Variants in BAIAP2 observed in about 807,000 individuals in gnomAD.
The protein encoded by BAIAP2 is BAR/IMD domain containing adaptor protein 2, also known as BAR/IMD domain-containing adapter protein 2.
A neutral mutation model predicts 63.0 loss-of-function variants in BAIAP2; 18 were observed. That is an observed-to-expected ratio of 0.29 (90% confidence interval 0.20 to 0.42). BAIAP2 has a LOEUF of 0.42. BAIAP2 is among the 10% of genes least tolerant of loss of function. The pLI, the probability that BAIAP2 is intolerant of heterozygous loss-of-function variation, is 1.00. For synonymous variants in BAIAP2, 386 were observed against 307.6 expected, an observed-to-expected ratio of 1.25 and a Z score of -2.67; for missense variants, 610 against 734.3, an observed-to-expected ratio of 0.83 and a Z score of 1.96.
intron 1 of BAIAP2, among the ~76,000 whole-genome samples, chr17:81,039,649 CA>C (rs774176385): frequency 6.8e-4 from 103 of 151,380 alleles, no homozygotes; most frequent in Non-Finnish European, 3.5e-4. Context: ...CCTGGGCTTT[CA>C]GGGGCCACCG....
chr17:81,103,137 G>A (rs537120443), intron 7 of BAIAP2, among the ~76,000 whole-genome samples: 5 of 152,284 alleles, frequency 3.3e-5, no homozygotes, highest in Admixed American at 6.5e-5. Context: ...CCCCTCCCCC[G>A]GCCATCTGGG....
chr17:81,041,789 C>T (rs1417091466), intron 1 of BAIAP2, among the ~76,000 whole-genome samples: 1 of 152,174 alleles, frequency 6.6e-6, no homozygotes, highest in Non-Finnish European at 1.5e-5. Flanking sequence ...TCAGGCTGGT[C>T]TCGAACTCCC....
At chr17:81,075,451 G>A (rs1159175009) in intron 3 of BAIAP2, among the ~76,000 whole-genome samples, 1 of 152,218 alleles carries the variant, frequency 6.6e-6, no homozygotes, top group African/African-American at 2.4e-5. Context: ...CAAGTGGGCC[G>A]CCTTCCGGTG....
In BAIAP2 at chr17:81,057,969, TGA is replaced by T; in HGVS notation, c.217+5_217+6del. On this transcript the variant is annotated splice_donor_region_variant and intron_variant, in intron 3 of 13. Coordinates refer to ENST00000428708, the MANE Select transcript of BAIAP2 (RefSeq NM_001144888.2). ...AGAGCCAGGGCTCCAAAGAACTCGGTGAGACCCCCCCCCCCCCCCCGCCTGGT... is the reference window on the plus strand; with the variant it reads ...AGAGCCAGGGCTCCAAAGAACTCGGTGACCCCCCCCCCCCCCCCGCCTGGT... 6 of 964,838 alleles carry T rather than the reference TGA, an allele frequency of 6.2e-6. No individual in the cohort carries two copies. The highest frequency in any genetic ancestry group is 8.4e-6 in the Non-Finnish European group (6 of 713,564). The allele number at this position is 964,838 out of a possible 1,614,324, so 59.8% of individuals were successfully genotyped here. A position where few individuals can be genotyped will look rare whatever the true frequency, so the allele number is the denominator to read the frequency against.
chr17:81,039,752 A>C (rs2046829005), intron 1 of BAIAP2, among the ~76,000 whole-genome samples: 1 of 152,062 alleles, frequency 6.6e-6, no homozygotes, highest in South Asian at 2.1e-4. Flanking sequence ...TGGAGACCTG[A>C]GGGCCAAGAC....
chr17:81,106,805 C>T lies in BAIAP2; in HGVS notation c.1398C>T (p.Ile466=). Residue 466 remains isoleucine (I), a synonymous_variant, in exon 12 of 14, where the codon ATC becomes ATT. Transcript: ENST00000428708. ...TCCTGGACAAGGACGACCTGGCCAT[C>T]CCACCCCCCGATTACGGCGCCGCCT... ...GNLLDKDDLA[I]PPPDYGAASR... 1 of 1,612,484 alleles carries T rather than the reference C, an allele frequency of 6.2e-7. No individual in the cohort carries two copies. Among genetic ancestry groups the T allele is most frequent in the Non-Finnish European group, 8.5e-7 (1 of 1,179,738 alleles).
chr17:81,105,693 G>A (rs1007408611), intron 10 of BAIAP2: 2 of 207,418 alleles, frequency 9.6e-6, no homozygotes, highest in African/African-American at 2.4e-5. Context: ...GGAGGGGGCC[G>A]AGGGCAGGGG....
chr17:81,104,124 G>A lies in BAIAP2; in HGVS notation c.1066+16G>A. 2.6e-5 allele frequency: 42 copies of A among 1,612,232 alleles called. No individual in the cohort carries two copies. The highest frequency in any genetic ancestry group is 3.5e-5 in the Non-Finnish European group (41 of 1,179,474). On this transcript the variant is annotated intron_variant, in intron 9 of 13. Transcript: ENST00000428708. ...TATGCCACCAGTAAGGGCTCCGCTG[G>A]GGTGTTGGGCTGGGGTCCCTGGACG...
intron 6 of BAIAP2, among the ~76,000 whole-genome samples, chr17:81,098,752 G>C (rs961047712): frequency 6.6e-6 from 1 of 152,174 alleles, no homozygotes; most frequent in African/African-American, 2.4e-5. Flanking sequence ...GCACAGAGTG[G>C]CCAAGACGTG....
At chr17:81,072,340 G>A (rs1338000921) in intron 3 of BAIAP2, among the ~76,000 whole-genome samples, 1 of 152,252 alleles carries the variant, frequency 6.6e-6, no homozygotes, top group Non-Finnish European at 1.5e-5. Flanking sequence ...CCTGACCCAT[G>A]TAATCAGGGA....
At chr17:81,054,671 G>T (rs188874461) in intron 2 of BAIAP2, among the ~76,000 whole-genome samples, 1 of 152,180 alleles carries the variant, frequency 6.6e-6, no homozygotes, top group Non-Finnish European at 1.5e-5. Context: ...ACGCCCTGCA[G>T]CTCCTTCTCA....
chr17:81,107,880 C>T (rs999488308), intron 12 of BAIAP2: 1 of 154,164 alleles, frequency 6.5e-6, no homozygotes, highest in Non-Finnish European at 1.4e-5. Flanking sequence ...GGGGTGGGCT[C>T]AGTGCTGGGA....
At chr17:81,074,826 A>C (rs552475255) in intron 3 of BAIAP2, among the ~76,000 whole-genome samples, 2 of 152,310 alleles carry the variant, frequency 1.3e-5, no homozygotes, top group East Asian at 3.9e-4. Flanking sequence ...ATGTGGGTGT[A>C]CCTATACATC....
At chr17:81,112,576 T>C (rs1159042520) in intron 13 of BAIAP2, among the ~76,000 whole-genome samples, 1 of 152,222 alleles carries the variant, frequency 6.6e-6, no homozygotes, top group East Asian at 1.9e-4. Context: ...GCGCCCACGC[T>C]GGACCCGATT....
chr17:81,044,370 A>G (rs7503592), intron 1 of BAIAP2, among the ~76,000 whole-genome samples: 21,633 of 152,054 alleles, frequency 0.14, 1,676 homozygotes, highest in East Asian at 0.29. Context: ...TTGGAGGGGG[A>G]CCAACACGGC....
intron 4 of BAIAP2, 169 bp from the exon 5 acceptor site, chr17:81,085,485 G>GT (rs1568137717): frequency 1.4e-6 from 1 of 704,596 alleles, no homozygotes; most frequent in African/African-American, 1.7e-5. Context: ...GCTCCAGAGG[G>GT]TGCACACGGG....
chr17:81,042,063 A>G (rs1384508758), intron 1 of BAIAP2, among the ~76,000 whole-genome samples: 2 of 150,258 alleles, frequency 1.3e-5, no homozygotes, highest in Non-Finnish European at 3.0e-5. Flanking sequence ...ACACCTCCTG[A>G]GTATGTCTCT....
Position 81,109,592 on chromosome 17 carries a change from A to C in BAIAP2, c.1535+1083A>C, listed in dbSNP as rs967596250. ...TGCACAGAGAAAGGGGGCTCGTGCC[A>C]AGCTCGAGGGGCCTCCTGAGGAAGC... On this transcript the variant is annotated intron_variant, in intron 13 of 13. Coordinates refer to ENST00000428708, the MANE Select transcript of BAIAP2 (RefSeq NM_001144888.2). The C allele has an allele frequency of 7.1e-6, 7 of 985,206 alleles. No homozygotes were observed. The African/African-American group carries it at 1.2e-4, about 17-fold the overall frequency. 61.0% of individuals were successfully genotyped at this position (985,206 alleles called of 1,614,324 possible).
rs930087874 is a variant in BAIAP2, at chr17:81,117,253, G to A, written c.*1414G>A. On this transcript the variant is annotated 3_prime_UTR_variant, in exon 14 of 14. Transcript: ENST00000428708. ...TTCCTGGCACAGCCCCTCCTGTCCA[G>A]GACTTTATCATCGGCAGACCTCAGA... is the stretch of plus-strand genomic sequence containing the variant. 1.3e-5 allele frequency: 2 copies of A among 152,196 alleles called. No individual in the cohort carries two copies. Among genetic ancestry groups the A allele is most frequent in the African/African-American group, 4.8e-5 (2 of 41,430 alleles). The allele number at this position is 152,196 out of a possible 1,614,324, so 9.4% of individuals were successfully genotyped here.
Sources: allele counts gnomAD v4.1 joint callset (sites outside exome capture counted in the v4.1 genomes callset), GRCh38; gene constraint gnomAD v4.1.1; transcripts MANE v1.5; gene names NCBI Gene and HGNC (gene_info 2026-07-23, HGNC 2026-07-21).